KCNQ1: variants seen among roughly 807,000 people sequenced by gnomAD.
KCNQ1 encodes potassium voltage-gated channel subfamily KQT member 1.
KCNQ1 carries 49 observed loss-of-function variants against 72.4 expected under a neutral mutation model. The observed-to-expected ratio is 0.68, with a 90% confidence interval of 0.54 to 0.86. The LOEUF (loss-of-function observed/expected upper bound fraction) is 0.86. Among genes scored for constraint, KCNQ1 ranks in the 40% least tolerant of loss-of-function variants. KCNQ1 has a pLI of 0.00. For missense variants in KCNQ1, 790 were observed against 945.1 expected (o/e 0.84, Z 2.15); for synonymous variants, 450 against 412.6 (o/e 1.09, Z -1.10).
chr11:2,658,890 T>A lies in KCNQ1; in HGVS notation c.1394-3071T>A, dbSNP rs1849900262. On this transcript the variant is annotated intron_variant, in intron 10 of 15. Coordinates refer to ENST00000155840, the MANE Select transcript of KCNQ1 (RefSeq NM_000218.3). The surrounding 1 kb of genome is among the most constrained non-coding windows in gnomAD (Gnocchi z 4.9). Reference sequence around the variant, plus strand: ...TCATTTACTTATTTGTGTAACCCTATTGTACACGTAGTACCCTATGTGAAG... The same window carrying A: ...TCATTTACTTATTTGTGTAACCCTAATGTACACGTAGTACCCTATGTGAAG... The A allele has an allele frequency of 7.5e-6, 3 of 398,558 alleles. No individual in the cohort carries two copies. Among genetic ancestry groups the A allele is most frequent in the Non-Finnish European group, 1.3e-5 (3 of 226,026 alleles). 24.7% of individuals were successfully genotyped at this position (398,558 alleles called of 1,614,324 possible). A position where few individuals can be genotyped will look rare whatever the true frequency, so the allele number is the denominator to read the frequency against.
Position 2,827,547 on chromosome 11 carries a change from G to T in KCNQ1, c.1795-20220G>T, listed in dbSNP as rs543097575. 6.6e-6 allele frequency among the ~76,000 whole-genome samples: 1 copy of T among 150,628 alleles called. No individual in the cohort carries two copies. Among genetic ancestry groups the T allele is most frequent in the Non-Finnish European group, 1.5e-5 (1 of 67,788 alleles). On this transcript the variant is annotated intron_variant, in intron 15 of 15. Coordinates refer to ENST00000155840, the MANE Select transcript of KCNQ1 (RefSeq NM_000218.3). The surrounding 1 kb of genome is among the most constrained non-coding windows in gnomAD (Gnocchi z 6.7). ...CCGGAATGTGACGCACGCCTGAGTC[G>T]CTGCAAGGGCCCCTGGGGACGGAGT...
intron 15 of KCNQ1, among the ~76,000 whole-genome samples, chr11:2,823,861 G>A (rs540176450): frequency 7.2e-5 from 11 of 152,296 alleles, no homozygotes; most frequent in African/African-American, 2.6e-4. Flanking sequence ...TTAGAGGGTG[G>A]ACAAAGCCGA....
In KCNQ1 at chr11:2,828,456, T is replaced by G. The variant is rs1013705896; in HGVS notation, c.1795-19311T>G. Among the ~76,000 whole-genome samples, 1 of 152,006 alleles carries G rather than the reference T, an allele frequency of 6.6e-6. No homozygotes were observed. The highest frequency in any genetic ancestry group is 2.4e-5 in the African/African-American group (1 of 41,362). On this transcript the variant is annotated intron_variant, in intron 15 of 15. Transcript: ENST00000155840. The surrounding 1 kb of genome is among the most constrained non-coding windows in gnomAD (Gnocchi z 5.3). ...GACCAAAAATATGTTGACAAAGGTT[T>G]GGAAGCTGGGAAGCAGGAGGACAGA...
Position 2,621,489 on chromosome 11 carries a change from C to T in KCNQ1, c.1393+32635C>T. 1 of 398,518 alleles carries T rather than the reference C, an allele frequency of 2.5e-6. No individual in the cohort carries two copies. The highest frequency in any genetic ancestry group is 4.4e-6 in the Non-Finnish European group (1 of 226,038). 24.7% of individuals were successfully genotyped at this position (398,518 alleles called of 1,614,324 possible). A position where few individuals can be genotyped will look rare whatever the true frequency, so the allele number is the denominator to read the frequency against. On this transcript the variant is annotated intron_variant, in intron 10 of 15. Transcript: ENST00000155840. This position sits in a 1 kb window ranked among gnomAD's most constrained non-coding sequence, Gnocchi z 5.7. ...GTTTGCAAATATTTTTTCTCCCATTCTATATGTTGTCTGTTTACTCTGTTG... is the reference window on the plus strand; with the variant it reads ...GTTTGCAAATATTTTTTCTCCCATTTTATATGTTGTCTGTTTACTCTGTTG...
At chr11:2,542,240 G>A (rs1054308490) in intron 2 of KCNQ1, among the ~76,000 whole-genome samples, 1 of 152,230 alleles carries the variant, frequency 6.6e-6, no homozygotes, top group East Asian at 1.9e-4. Context: ...GGGCATGAAG[G>A]TTCTCAGTCC....
chr11:2,827,381 G>T lies in KCNQ1; in HGVS notation c.1795-20386G>T, dbSNP rs774648951. 6.6e-6 allele frequency among the ~76,000 whole-genome samples: 1 copy of T among 152,140 alleles called. No individual in the cohort carries two copies. The highest frequency in any genetic ancestry group is 1.5e-5 in the Non-Finnish European group (1 of 68,030). Reference sequence around the variant, plus strand: ...CACAATCCAGTGCTTCTGTCCTATGGTCCCCAGCGGCTGCTCCTGCATTCA... The same window carrying T: ...CACAATCCAGTGCTTCTGTCCTATGTTCCCCAGCGGCTGCTCCTGCATTCA... On this transcript the variant is annotated intron_variant, in intron 15 of 15. Coordinates refer to ENST00000155840, the MANE Select transcript of KCNQ1 (RefSeq NM_000218.3). The surrounding 1 kb of genome is among the most constrained non-coding windows in gnomAD (Gnocchi z 6.7).
intron 10 of KCNQ1, chr11:2,639,117 A>G (rs1376936681): frequency 6.6e-6 from 1 of 152,176 alleles, no homozygotes; most frequent in African/African-American, 2.4e-5. Flanking sequence ...CCATTCGTCT[A>G]ATCTTTTTTC....
intron 11 of KCNQ1, chr11:2,693,091 C>T (rs1817985287): frequency 2.5e-6 from 1 of 398,672 alleles, no homozygotes; most frequent in Non-Finnish European, 4.4e-6. Flanking sequence ...TGGCTCCTTA[C>T]TCTTTAAGAG....
intron 11 of KCNQ1, among the ~76,000 whole-genome samples, chr11:2,763,285 T>C (rs1481339510): frequency 1.3e-5 from 2 of 151,952 alleles, no homozygotes; most frequent in Non-Finnish European, 2.9e-5. Flanking sequence ...ATTTTAGAGC[T>C]GGGTACGATG....
At chr11:2,616,713 C>A in intron 10 of KCNQ1, 1 of 398,142 alleles carries the variant, frequency 2.5e-6, no homozygotes, top group Non-Finnish European at 4.4e-6. Context: ...TCTTCTGTTA[C>A]AGATTTCTGG....
rs1848634664 is a variant in KCNQ1 at position 2,588,942 on chromosome 11, C to T, written c.1393+88C>T. ...CCCGAGCAAGCCAGTGAGTTTCTCC[C>T]TTGGGCTGTGGTCTCTGACAACGAG... On this transcript the variant is annotated intron_variant, in intron 10 of 15. Coordinates refer to ENST00000155840, the MANE Select transcript of KCNQ1 (RefSeq NM_000218.3). The surrounding 1 kb of genome is among the most constrained non-coding windows in gnomAD (Gnocchi z 5.6). The T allele has an allele frequency of 1.5e-5, 22 of 1,486,688 alleles. No individual in the cohort carries two copies. In the South Asian group the frequency reaches 2.6e-4, roughly 17 times the overall value. 92.1% of individuals were successfully genotyped at this position (1,486,688 alleles called of 1,614,324 possible). A position where few individuals can be genotyped will look rare whatever the true frequency, so the allele number is the denominator to read the frequency against.
chr11:2,515,846 C>T lies in KCNQ1; in HGVS notation c.387-12082C>T, dbSNP rs891099343. 6.6e-6 allele frequency among the ~76,000 whole-genome samples: 1 copy of T among 152,056 alleles called. No individual in the cohort carries two copies. ...CCTGGGGGGCTTGTGCTCTGCCGGG[C>T]CACCTGCACCCTCCGGGCCCCAGGA... On this transcript the variant is annotated intron_variant, in intron 1 of 15. Coordinates refer to ENST00000155840, the MANE Select transcript of KCNQ1 (RefSeq NM_000218.3). The surrounding 1 kb of genome is among the most constrained non-coding windows in gnomAD (Gnocchi z 4.7).
rs948645032 is a variant in KCNQ1, at chr11:2,735,662, TA to T, written c.1515-33179del. On this transcript the variant is annotated intron_variant, in intron 11 of 15. Coordinates refer to ENST00000155840, the MANE Select transcript of KCNQ1 (RefSeq NM_000218.3). This position sits in a 1 kb window ranked among gnomAD's most constrained non-coding sequence, Gnocchi z 7.7. Reference sequence around the variant, plus strand: ...CCACCAAGACCACAGTGGGGCAGTTTAAACAGCAGGCATTCATCCCCTCACA... The same window carrying T: ...CCACCAAGACCACAGTGGGGCAGTTTAACAGCAGGCATTCATCCCCTCACA... Among the ~76,000 whole-genome samples, 5 of 151,778 alleles carry T rather than the reference TA, an allele frequency of 3.3e-5. No homozygotes were observed. Among genetic ancestry groups the T allele is most frequent in the Non-Finnish European group, 5.9e-5 (4 of 67,982 alleles).
chr11:2,694,732 C>T (rs551277025), intron 11 of KCNQ1: 2 of 398,628 alleles, frequency 5.0e-6, no homozygotes, highest in East Asian at 7.1e-5. Context: ...AGGCAGCCAA[C>T]AAATAAGTAG....
rs971815406 is a variant in KCNQ1, at chr11:2,462,563, G to A, written c.386+17079G>A. Among the ~76,000 whole-genome samples, 51 of 152,192 alleles carry A rather than the reference G, an allele frequency of 3.4e-4. No individual in the cohort carries two copies. The highest frequency in any genetic ancestry group is 1.2e-3 in the African/African-American group (48 of 41,456). Reference sequence around the variant, plus strand: ...CCGTGAGGCCCCCACCTGTTACTGAGTGGCAGGGACGTGCTCCCACACCCC... The same window carrying A: ...CCGTGAGGCCCCCACCTGTTACTGAATGGCAGGGACGTGCTCCCACACCCC... On this transcript the variant is annotated intron_variant, in intron 1 of 15. Transcript: ENST00000155840. The surrounding 1 kb of genome is among the most constrained non-coding windows in gnomAD (Gnocchi z 8.2).
rs1166498763 is a variant in KCNQ1 at position 2,704,508 on chromosome 11, C to T, written c.1514+42427C>T. 6.6e-6 allele frequency among the ~76,000 whole-genome samples: 1 copy of T among 152,128 alleles called. No homozygotes were observed. The highest frequency in any genetic ancestry group is 1.5e-5 in the Non-Finnish European group (1 of 68,034). ...GGTCCTTTTGGGCCTTGTAGGCTGT[C>T]GTCAGAGGGGAGGCACAGTGGGGAG... On this transcript the variant is annotated intron_variant, in intron 11 of 15. Coordinates refer to ENST00000155840, the MANE Select transcript of KCNQ1 (RefSeq NM_000218.3). This position sits in a 1 kb window ranked among gnomAD's most constrained non-coding sequence, Gnocchi z 4.3.
chr11:2,749,361 G>C (rs1274096445), intron 11 of KCNQ1, among the ~76,000 whole-genome samples: 2 of 152,148 alleles, frequency 1.3e-5, no homozygotes, highest in Non-Finnish European at 1.5e-5. Flanking sequence ...AAGCAGCTCA[G>C]TGTCACTCAG....
chr11:2,539,335 C>T (rs376774548), intron 2 of KCNQ1, among the ~76,000 whole-genome samples: 18 of 152,308 alleles, frequency 1.2e-4, no homozygotes, highest in African/African-American at 3.6e-4. Context: ...GGGGCCCTGT[C>T]GGCTGGTTCC....
rs919623313 is a variant in KCNQ1 at position 2,478,464 on chromosome 11, A to G, written c.386+32980A>G. On this transcript the variant is annotated intron_variant, in intron 1 of 15. Transcript: ENST00000155840. The surrounding 1 kb of genome is among the most constrained non-coding windows in gnomAD (Gnocchi z 4.0). Reference sequence around the variant, plus strand: ...CACAGCAGAAGATGAAGGAAGAACAAAGGAACATCTTACATGATGACAGGC... The same window carrying G: ...CACAGCAGAAGATGAAGGAAGAACAGAGGAACATCTTACATGATGACAGGC... Among the ~76,000 whole-genome samples the G allele has an allele frequency of 5.3e-5, 8 of 152,162 alleles. No individual in the cohort carries two copies. Among genetic ancestry groups the G allele is most frequent in the Non-Finnish European group, 8.8e-5 (6 of 68,012 alleles).
Sources: gnomAD v4.1 joint callset for allele counts (sites outside exome capture counted in the v4.1 genomes callset) on GRCh38, gnomAD v4.1.1 for gene constraint, Gnocchi (gnomAD v3.1) non-coding constraint, MANE v1.5 for transcripts, NCBI Gene and HGNC (gene_info 2026-07-23, HGNC 2026-07-21) for gene names.